The following YTHDC2 variants were observed in gnomAD, a reference collection of about 807,000 sequenced individuals.
YTHDC2 encodes YTH N6-methyladenosine RNA binding protein C2.
A neutral mutation model predicts 174.9 loss-of-function variants in YTHDC2; 45 were observed. The observed-to-expected ratio is 0.26, with a 90% CI of 0.20 to 0.33. The LOEUF is 0.33. Ranked by LOEUF, YTHDC2 falls within the 10% of genes least tolerant of loss-of-function variation. The probability of loss-of-function intolerance (pLI) is 1.00; values close to 1 mark genes in which losing one functional copy is unlikely to be tolerated. For synonymous variants in YTHDC2, 657 were observed against 574.5 expected (o/e 1.14, Z -2.05); for missense variants, 1,650 against 1,723.7 (o/e 0.96, Z 0.76).
Position 113,591,845 on chromosome 5 carries a change from G to A in YTHDC2, c.4030-151G>A, listed in dbSNP as rs138653952. 7.4e-3 allele frequency: 4,035 copies of A among 548,188 alleles called. 24 individuals carry two copies. Among genetic ancestry groups the A allele is most frequent in the Non-Finnish European group, 9.6e-3 (3,470 of 360,274 alleles). 34.0% of individuals were successfully genotyped at this position (548,188 alleles called of 1,614,324 possible). ...AAGAGAGCTTTTAATGAAAAATTTA[G>A]TAGCTTATTTTTTGTTTTTGTTAGG... is the stretch of plus-strand genomic sequence containing the variant. On this transcript the variant is annotated intron_variant, in intron 27 of 29. Transcript: ENST00000161863.
At chr5:113,561,959 T>TGTGTGG (rs1554099031) in intron 18 of YTHDC2, among the ~76,000 whole-genome samples, 64 of 71,488 alleles carry the variant, frequency 9.0e-4, no homozygotes, top group South Asian at 3.2e-3. Context: ...TAATTGTGGG[T>TGTGTGG]GTGTGTGTGT....
intron 2 of YTHDC2, among the ~76,000 whole-genome samples, chr5:113,523,463 A>T (rs1301844070): frequency 6.6e-6 from 1 of 152,138 alleles, no homozygotes; most frequent in Non-Finnish European, 1.5e-5. Context: ...GTCTATAATG[A>T]CTGTCCTTTA....
At chr5:113,573,148 T>G (rs1307401539) in intron 23 of YTHDC2, among the ~76,000 whole-genome samples, 1 of 152,168 alleles carries the variant, frequency 6.6e-6, no homozygotes, top group African/African-American at 2.4e-5. Flanking sequence ...CAGGAGCTCT[T>G]GCAAGGCAGG....
intron 23 of YTHDC2, among the ~76,000 whole-genome samples, chr5:113,579,114 CTT>C (rs1050736836): frequency 6.6e-6 from 1 of 151,760 alleles, no homozygotes; most frequent in Non-Finnish European, 1.5e-5. Context: ...TCTAATTCAT[CTT>C]TTTATAATTT....
chr5:113,560,816 G>A (rs1479465167), intron 17 of YTHDC2, among the ~76,000 whole-genome samples: 4 of 152,088 alleles, frequency 2.6e-5, no homozygotes, highest in Non-Finnish European at 5.9e-5. Flanking sequence ...TTATATGTAT[G>A]CTATTTCTTT....
chr5:113,584,928 C>T (rs1031165520), intron 26 of YTHDC2, among the ~76,000 whole-genome samples: 1 of 151,648 alleles, frequency 6.6e-6, no homozygotes, highest in Non-Finnish European at 1.5e-5. Flanking sequence ...GTGCATGCCA[C>T]CATGCCCAGC....
Position 113,593,382 on chromosome 5 carries a change from G to T in YTHDC2, c.4292G>T (p.Ter1431LeuextTer15). The change falls in exon 29 of 30, where the codon TGA (stop) becomes TTA (leucine). Residue 1431 changes from the stop codon to leucine (L), a stop_lost. Transcript: ENST00000161863. ...LPLGEKNTTD[*>L] ...TTGGGAGAAAAAAACACAACTGATT[G>T]ACACTCAGGTTATACCATCTTGACT... 6.2e-7 allele frequency: 1 copy of T among 1,611,276 alleles called. No individual in the cohort carries two copies. The highest frequency in any genetic ancestry group is 1.1e-5 in the South Asian group (1 of 90,930).
chr5:113,515,408 C>T lies in YTHDC2; in HGVS notation c.278+46C>T, dbSNP rs759051151. On this transcript the variant is annotated intron_variant, in intron 2 of 29. Coordinates refer to ENST00000161863, the MANE Select transcript of YTHDC2 (RefSeq NM_022828.5). Reference sequence around the variant, plus strand: ...ATTTTTTTTAAAAAAGATTATTTGCCCAAAAAAGGGAGAAACGTTTCTGAG... The same window carrying T: ...ATTTTTTTTAAAAAAGATTATTTGCTCAAAAAAGGGAGAAACGTTTCTGAG... 11 of 1,498,916 alleles carry T rather than the reference C, an allele frequency of 7.3e-6. No homozygotes were observed. In the East Asian group the frequency reaches 1.8e-4, roughly 25 times the overall value. The allele number at this position is 1,498,916 out of a possible 1,614,324, so 92.9% of individuals were successfully genotyped here. A position where few individuals can be genotyped will look rare whatever the true frequency, so the allele number is the denominator to read the frequency against.
At chr5:113,518,637 T>A (rs914014474) in intron 2 of YTHDC2, among the ~76,000 whole-genome samples, 1 of 151,846 alleles carries the variant, frequency 6.6e-6, no homozygotes, top group African/African-American at 2.4e-5. Flanking sequence ...TCTTAGTACC[T>A]ATTTGAGAGG....
chr5:113,528,840 C>G (rs757118384), intron 4 of YTHDC2, among the ~76,000 whole-genome samples: 6 of 152,152 alleles, frequency 3.9e-5, no homozygotes, highest in Non-Finnish European at 7.4e-5. Context: ...TCTCCTGCCA[C>G]CCTGTGTCAC....
At position 113,540,983 on chromosome 5, in the gene YTHDC2, C is replaced by G. The variant is rs761772432; in HGVS notation, c.1226C>G (p.Thr409Ser). The stretch of plus-strand genomic sequence containing the variant: ...ATTAATTTAGAAGAGAAACAACAAA[C>G]CACACTTACAGAATGGTACTCAGCT... Reference protein sequence around the residue: ...KEKQQEEKQQTTLTEWYSAQE... With the variant: ...KEKQQEEKQQSTLTEWYSAQE... Residue 409 changes from threonine to serine, a missense_variant, in exon 9 of 30, where the codon ACC (threonine) becomes AGC (serine). Coordinates refer to ENST00000161863, the MANE Select transcript of YTHDC2 (RefSeq NM_022828.5). 27 of 1,611,912 alleles carry G rather than the reference C, an allele frequency of 1.7e-5. No homozygotes were observed. Among genetic ancestry groups the G allele is most frequent in the Non-Finnish European group, 2.3e-5 (27 of 1,179,398 alleles).
At position 113,542,432 on chromosome 5, in the gene YTHDC2, A is replaced by T; in HGVS notation, c.1424A>T (p.Asp475Val). ...AAGGAAATGGATGCTTGCCTTTCTG[A>T]TATATGGCTACATAAAGATATTGAT... The part of the protein sequence containing the change: ...LIKEMDACLS[D>V]IWLHKDIDAF... Residue 475 changes from aspartate (D) to valine (V), a missense_variant, in exon 10 of 30, where the codon GAT (aspartate) becomes GTT (valine). Around this residue, in one of 5 missense-constraint regions of YTHDC2, gnomAD observed 411 missense variants for 380.6 expected, o/e 1.08. Transcript: ENST00000161863. 2 of 1,613,068 alleles carry T rather than the reference A, an allele frequency of 1.2e-6. No homozygotes were observed. The highest frequency in any genetic ancestry group is 1.7e-4 in the Middle Eastern group (1 of 6,050).
intron 6 of YTHDC2, among the ~76,000 whole-genome samples, chr5:113,535,346 A>T (rs1160153579): frequency 1.3e-5 from 2 of 152,010 alleles, no homozygotes; most frequent in African/African-American, 2.4e-5. Context: ...TGCAAATACT[A>T]TGCCATTTTT....
chr5:113,566,048 T>G (rs939504859), intron 21 of YTHDC2, 29 bp downstream of exon 21: 19 of 1,580,678 alleles, frequency 1.2e-5, no homozygotes, highest in Non-Finnish European at 1.6e-5. Context: ...AGAGCCTATT[T>G]AAGTTACTGA....
At position 113,561,624 on chromosome 5, in the gene YTHDC2, G is replaced by A. The variant is rs1461301865; in HGVS notation, c.2322+439G>A. Among the ~76,000 whole-genome samples, 10 of 151,444 alleles carry A rather than the reference G, an allele frequency of 6.6e-5. No homozygotes were observed. The South Asian group carries it at 1.0e-3, about 16-fold the overall frequency. ...GCTGGGATTACAGGCGCCCACCACCGTGCCCAGCTAATTTTTATATTTTCA... is the reference window on the plus strand; with the variant it reads ...GCTGGGATTACAGGCGCCCACCACCATGCCCAGCTAATTTTTATATTTTCA... On this transcript the variant is annotated intron_variant, in intron 18 of 29. Transcript: ENST00000161863.
intron 23 of YTHDC2, among the ~76,000 whole-genome samples, chr5:113,575,341 G>A (rs1777974249): frequency 1.3e-5 from 2 of 152,208 alleles, no homozygotes; most frequent in South Asian, 4.1e-4. Flanking sequence ...GTGTGTGTCT[G>A]TCCTTAGGAA....
intron 17 of YTHDC2, among the ~76,000 whole-genome samples, chr5:113,557,482 C>A (rs10079973): frequency 0.31 from 47,177 of 151,964 alleles, 9,482 homozygotes; most frequent in African/African-American, 0.56. Flanking sequence ...CTGGATGTCC[C>A]TGCTATTAAT....
chr5:113,532,130 G>A (rs892897372), intron 4 of YTHDC2, among the ~76,000 whole-genome samples: 1 of 152,172 alleles, frequency 6.6e-6, no homozygotes, highest in Non-Finnish European at 1.5e-5. Flanking sequence ...ATATCCATGA[G>A]ATGGAATATG....
Position 113,553,324 on chromosome 5 carries a change from A to G in YTHDC2, c.1832A>G (p.His611Arg), listed in dbSNP as rs1192961657. The G allele has an allele frequency of 6.2e-7, 1 of 1,609,544 alleles. No individual in the cohort carries two copies. ...AAAGTAGACTTGGATTTGATCATGC[A>G]TCTTCTATACAATATCTGCCATAGT... ...DEKVDLDLIM[H>R]LLYNICHSCD... Residue 611 changes from histidine to arginine, a missense_variant, in exon 13 of 30, where the codon CAT becomes CGT. His to Arg is a conservative substitution (Grantham distance 29). This residue lies in a region of YTHDC2 where 411 missense variants were observed against 380.6 expected (regional missense o/e 1.08). Coordinates refer to ENST00000161863, the MANE Select transcript of YTHDC2 (RefSeq NM_022828.5).
Sources: gnomAD v4.1 joint callset for allele counts (sites outside exome capture counted in the v4.1 genomes callset) on GRCh38, gnomAD v4.1.1 for gene constraint, gnomAD v4.1.1 regional missense constraint, MANE v1.5 for transcripts, NCBI Gene and HGNC (gene_info 2026-07-23, HGNC 2026-07-21) for gene names.